UNC5C: variants seen among roughly 807,000 people sequenced by gnomAD.
UNC5C encodes unc-5 netrin receptor C.
In UNC5C, 47 loss-of-function variants were observed where a neutral mutation model predicts 99.8. The observed-to-expected ratio is 0.47, with a 90% confidence interval of 0.37 to 0.60. The LOEUF is 0.60. UNC5C is among the 20% of genes least tolerant of loss of function. UNC5C has a pLI of 0.00. For missense variants in UNC5C, 1,062 were observed against 1,165.9 expected (o/e 0.91, Z 1.30); for synonymous variants, 487 against 452.2 (o/e 1.08, Z -0.98).
intron 1 of UNC5C, among the ~76,000 whole-genome samples, chr4:95,352,043 T>G (rs1744011418): frequency 6.6e-6 from 1 of 152,150 alleles, no homozygotes; most frequent in Non-Finnish European, 1.5e-5. Flanking sequence ...TCTCCTTTAG[T>G]CTCTCCCCAA....
At chr4:95,502,061 G>A (rs1013367592) in intron 1 of UNC5C, among the ~76,000 whole-genome samples, 1 of 152,018 alleles carries the variant, frequency 6.6e-6, no homozygotes, top group African/African-American at 2.4e-5. Context: ...ATTAGTTGAG[G>A]AATGTTTAAA....
intron 14 of UNC5C, among the ~76,000 whole-genome samples, chr4:95,177,166 C>A (rs1189501119): frequency 6.6e-6 from 1 of 152,216 alleles, no homozygotes; most frequent in Non-Finnish European, 1.5e-5. Context: ...GAGATGAACC[C>A]GGTACCTCAG....
At chr4:95,365,581 A>AAATAACATTATGAAAT (rs1435793372) in intron 1 of UNC5C, among the ~76,000 whole-genome samples, 1 of 151,912 alleles carries the variant, frequency 6.6e-6, no homozygotes, top group African/African-American at 2.4e-5. Flanking sequence ...TATATTTCAT[A>AAATAACATTATGAAAT]ATGTTATTTC....
intron 1 of UNC5C, among the ~76,000 whole-genome samples, chr4:95,418,941 G>T (rs1332818742): frequency 2.0e-5 from 3 of 151,946 alleles, no homozygotes; most frequent in African/African-American, 7.3e-5. Flanking sequence ...ATGTTTTCCT[G>T]GTGCTCACTT....
intron 14 of UNC5C, among the ~76,000 whole-genome samples, chr4:95,182,324 C>T (rs925528799): frequency 2.0e-5 from 3 of 152,068 alleles, no homozygotes; most frequent in East Asian, 1.9e-4. Context: ...TCCCCCATCC[C>T]GGAGGAAAGT....
intron 1 of UNC5C, among the ~76,000 whole-genome samples, chr4:95,511,089 G>T (rs1032554900): frequency 1.3e-5 from 2 of 152,114 alleles, no homozygotes; most frequent in Non-Finnish European, 2.9e-5. Context: ...CAGTGATAGA[G>T]AAGTTAATGA....
At chr4:95,439,704 C>T (rs903980402) in intron 1 of UNC5C, among the ~76,000 whole-genome samples, 4 of 152,064 alleles carry the variant, frequency 2.6e-5, no homozygotes, top group Admixed American at 2.0e-4. Flanking sequence ...GTTCTGAGGT[C>T]AAATAAATTT....
chr4:95,453,957 C>T (rs771819958), intron 1 of UNC5C, among the ~76,000 whole-genome samples: 5 of 151,968 alleles, frequency 3.3e-5, no homozygotes, highest in Non-Finnish European at 5.9e-5. Flanking sequence ...CCAGAATAGG[C>T]AAATCCATAG....
chr4:95,511,657 T>C (rs2149487577), intron 1 of UNC5C, among the ~76,000 whole-genome samples: 1 of 152,292 alleles, frequency 6.6e-6, no homozygotes, highest in Admixed American at 6.5e-5. Context: ...TAACCAGATC[T>C]GCTCTCAACG....
rs1391973209 is a variant in UNC5C, at chr4:95,533,905, A to G, written c.124+14829T>C. On this transcript the variant is annotated intron_variant, in intron 1 of 15. Transcript: ENST00000453304. ...TGGAAATCTTCAAATAAAAATTCCT[A>G]CAAATTCAATGTTCTAGGTAGCATA... is the stretch of plus-strand genomic sequence containing the variant. Among the ~76,000 whole-genome samples, 3 of 152,346 alleles carry G rather than the reference A, an allele frequency of 2.0e-5. No homozygotes were observed. In the East Asian group the frequency reaches 5.8e-4, roughly 29 times the overall value.
At chr4:95,186,727 G>A (rs3755881) in intron 12 of UNC5C, among the ~76,000 whole-genome samples, 9,474 of 152,254 alleles carry the variant, frequency 0.062, 800 homozygotes, top group African/African-American at 0.19. Context: ...GTAGACAAGT[G>A]TGTGGTCCAG....
chr4:95,205,122 C>T (rs888755809), intron 11 of UNC5C, among the ~76,000 whole-genome samples: 2 of 152,074 alleles, frequency 1.3e-5, no homozygotes, highest in African/African-American at 4.8e-5. Flanking sequence ...GTAACGATGC[C>T]CACGTCCCAG....
At chr4:95,178,363 G>C (rs551961334) in intron 14 of UNC5C, among the ~76,000 whole-genome samples, 3 of 152,354 alleles carry the variant, frequency 2.0e-5, no homozygotes, top group African/African-American at 7.2e-5. Context: ...CAGGCCTGGA[G>C]GTCTCCTCGG....
rs1735860884 is a variant in UNC5C, at chr4:95,166,459, G to A, written c.*2775C>T. 1 of 152,116 alleles carries A rather than the reference G, an allele frequency of 6.6e-6. No homozygotes were observed. Among genetic ancestry groups the A allele is most frequent in the Non-Finnish European group, 1.5e-5 (1 of 68,018 alleles). 9.4% of individuals were successfully genotyped at this position (152,116 alleles called of 1,614,324 possible). A position where few individuals can be genotyped will look rare whatever the true frequency, so the allele number is the denominator to read the frequency against. ...AATCACTTTTCCCTTTTCTGGTGGT[G>A]GGAAGTTGAACCAAAAAAGCATCTG... On this transcript the variant is annotated 3_prime_UTR_variant, in exon 16 of 16. Coordinates refer to ENST00000453304, the MANE Select transcript of UNC5C (RefSeq NM_003728.4).
chr4:95,247,065 G>A (rs929940140), intron 5 of UNC5C, among the ~76,000 whole-genome samples: 2 of 151,674 alleles, frequency 1.3e-5, no homozygotes, highest in African/African-American at 4.8e-5. Context: ...AAAAAAGAAA[G>A]AAAATTCAAG....
intron 6 of UNC5C, among the ~76,000 whole-genome samples, chr4:95,243,685 A>G (rs1323355182): frequency 2.6e-5 from 4 of 152,180 alleles, no homozygotes; most frequent in African/African-American, 9.6e-5. Context: ...ATTGTGTATA[A>G]TGTGGATATG....
chr4:95,268,962 A>C (rs551061490), intron 4 of UNC5C, among the ~76,000 whole-genome samples: 1 of 152,330 alleles, frequency 6.6e-6, no homozygotes, highest in African/African-American at 2.4e-5. Flanking sequence ...GGCTATTATC[A>C]AATGTACACT....
At chr4:95,498,450 TA>T (rs1037323844) in intron 1 of UNC5C, among the ~76,000 whole-genome samples, 1 of 151,926 alleles carries the variant, frequency 6.6e-6, no homozygotes, top group African/African-American at 2.4e-5. Flanking sequence ...AAGTGTTACA[TA>T]AAAAAGGAAA....
chr4:95,256,253 G>A (rs978013980), intron 4 of UNC5C, among the ~76,000 whole-genome samples: 38 of 151,966 alleles, frequency 2.5e-4, no homozygotes, highest in African/African-American at 8.2e-4. Context: ...AGACCCCACC[G>A]CTGATCTCCA....
Sources: allele counts gnomAD v4.1 joint callset (sites outside exome capture counted in the v4.1 genomes callset), GRCh38; gene constraint gnomAD v4.1.1; transcripts MANE v1.5; gene names NCBI Gene and HGNC (gene_info 2026-07-23, HGNC 2026-07-21).